CPED1: variants seen among roughly 807,000 people sequenced by gnomAD.
CPED1 encodes the protein cadherin like and PC-esterase domain containing 1, also known as cadherin-like and PC-esterase domain-containing protein 1.
In CPED1, 114 loss-of-function variants were observed where a neutral mutation model predicts 128.2. The ratio of observed to expected loss-of-function variants is 0.89; its 90% confidence interval spans 0.76 to 1.04. The LOEUF (loss-of-function observed/expected upper bound fraction) is 1.04, where lower values mean the gene tolerates loss of function less well. CPED1 is among the 50% of genes least tolerant of loss of function. The pLI is 0.00. For synonymous variants in CPED1, 462 were observed against 426.7 expected, an observed-to-expected ratio of 1.08 and a Z score of -1.02; for missense variants, 1,211 against 1,207.1, an observed-to-expected ratio of 1.00 and a Z score of -0.05.
chr7:121,038,367 C>T (rs963274756), intron 3 of CPED1, among the ~76,000 whole-genome samples: 3 of 151,974 alleles, frequency 2.0e-5, no homozygotes. Flanking sequence ...TTTTTCAGTC[C>T]TCTGAATTTT....
chr7:121,066,801 A>G (rs1793840457), intron 5 of CPED1, among the ~76,000 whole-genome samples: 1 of 152,158 alleles, frequency 6.6e-6, no homozygotes. Context: ...ACATCCCTGG[A>G]TTCAACCAAC....
At chr7:121,280,163 A>G (rs572039519) in intron 22 of CPED1, among the ~76,000 whole-genome samples, 2 of 152,344 alleles carry the variant, frequency 1.3e-5, no homozygotes, top group South Asian at 4.1e-4. Flanking sequence ...TCCAAGACCC[A>G]AGATGCACAT....
intron 4 of CPED1, chr7:121,061,203 A>G: frequency 1.0e-6 from 1 of 960,634 alleles, no homozygotes; most frequent in Non-Finnish European, 1.2e-6. Flanking sequence ...GGATTGTGAA[A>G]GGTATATTGG....
chr7:121,012,931 A>ATGG (rs1792198118), intron 2 of CPED1, among the ~76,000 whole-genome samples: 1 of 152,236 alleles, frequency 6.6e-6, no homozygotes, highest in African/African-American at 2.4e-5. Flanking sequence ...GGAAAAGAGG[A>ATGG]TGGTATCTTT....
chr7:121,028,064 T>C (rs1488760443), intron 3 of CPED1, among the ~76,000 whole-genome samples: 1 of 152,164 alleles, frequency 6.6e-6, no homozygotes, highest in Non-Finnish European at 1.5e-5. Context: ...AGCTCTACCA[T>C]GGTACCTACT....
At chr7:121,015,962 T>C (rs1456677733) in intron 3 of CPED1, 114 bp downstream of exon 3, 6 of 695,472 alleles carry the variant, frequency 8.6e-6, no homozygotes, top group Non-Finnish European at 1.2e-5. Flanking sequence ...TATTTATCCA[T>C]GACCAACTTT....
chr7:121,163,464 C>T (rs957205356), intron 16 of CPED1, among the ~76,000 whole-genome samples: 3 of 152,194 alleles, frequency 2.0e-5, no homozygotes, highest in African/African-American at 4.8e-5. Context: ...CCCCGACTCC[C>T]ACTGTCACTG....
intron 16 of CPED1, among the ~76,000 whole-genome samples, chr7:121,191,780 A>G (rs1040863831): frequency 1.3e-5 from 2 of 152,120 alleles, no homozygotes; most frequent in African/African-American, 2.4e-5. Flanking sequence ...GTAGAAAGAA[A>G]AAAAGGAAAT....
At chr7:120,997,601 C>T (rs763384423) in intron 2 of CPED1, among the ~76,000 whole-genome samples, 61 of 152,064 alleles carry the variant, frequency 4.0e-4, no homozygotes, top group Non-Finnish European at 7.6e-4. Context: ...GTAAGGTGGC[C>T]CCTAATCCAA....
intron 8 of CPED1, 99 bp downstream of exon 8, chr7:121,124,572 G>A: frequency 1.1e-6 from 1 of 900,932 alleles, no homozygotes; most frequent in Non-Finnish European, 1.5e-6. Flanking sequence ...ATCATAAGTA[G>A]GTGGTACTTG....
intron 5 of CPED1, among the ~76,000 whole-genome samples, chr7:121,066,666 A>G (rs1277124620): frequency 6.6e-6 from 1 of 152,126 alleles, no homozygotes; most frequent in Non-Finnish European, 1.5e-5. Flanking sequence ...GGTTATTGGT[A>G]GAAGACATGA....
intron 2 of CPED1, among the ~76,000 whole-genome samples, chr7:121,001,985 A>T (rs1791873535): frequency 7.0e-6 from 1 of 142,636 alleles, no homozygotes; most frequent in African/African-American, 2.7e-5. Context: ...TGGGAAAAGA[A>T]GACACACACA....
intron 16 of CPED1, among the ~76,000 whole-genome samples, chr7:121,167,725 A>ATTTTTTTTTTTTTTTTTTT: frequency 1.0e-5 from 1 of 99,264 alleles, no homozygotes; most frequent in Non-Finnish European, 2.0e-5. Context: ...TTTAAAGTCT[A>ATTTTTTTTTTTTTTTTTTT]TTTTTTTTTT....
chr7:121,295,725 G>A lies in CPED1; in HGVS notation c.*73G>A, dbSNP rs971714857. 13 of 1,249,686 alleles carry A rather than the reference G, an allele frequency of 1.0e-5. No individual in the cohort carries two copies. The highest frequency in any genetic ancestry group is 8.9e-5 in the African/African-American group (6 of 67,344). The allele number at this position is 1,249,686 out of a possible 1,614,324, so 77.4% of individuals were successfully genotyped here. A position where few individuals can be genotyped will look rare whatever the true frequency, so the allele number is the denominator to read the frequency against. On this transcript the variant is annotated 3_prime_UTR_variant, in exon 23 of 23. Coordinates refer to ENST00000310396, the MANE Select transcript of CPED1 (RefSeq NM_024913.5). ...CCGGACAATGGTCTAGGAGCCAAGC[G>A]CTGCACATCGCACACATTTGGGATC...
intron 22 of CPED1, among the ~76,000 whole-genome samples, chr7:121,275,207 G>A (rs1217256245): frequency 6.6e-6 from 1 of 152,004 alleles, no homozygotes; most frequent in African/African-American, 2.4e-5. Context: ...ACTGCCATAG[G>A]TGAGATGAAA....
At chr7:121,074,369 G>A (rs932666423) in intron 5 of CPED1, among the ~76,000 whole-genome samples, 1 of 152,080 alleles carries the variant, frequency 6.6e-6, no homozygotes, top group Non-Finnish European at 1.5e-5. Flanking sequence ...GCCCATCAAG[G>A]CTCAGGGGTT....
chr7:121,035,527 CT>C (rs1487535581), intron 3 of CPED1, among the ~76,000 whole-genome samples: 2 of 151,890 alleles, frequency 1.3e-5, no homozygotes, highest in African/African-American at 4.8e-5. Context: ...GTGGCTATAG[CT>C]TTGATGATTA....
intron 7 of CPED1, among the ~76,000 whole-genome samples, chr7:121,120,999 A>T (rs1462136213): frequency 1.3e-5 from 2 of 149,132 alleles, no homozygotes; most frequent in African/African-American, 4.9e-5. Context: ...AAAAAAACTC[A>T]CAGTCTAGCA....
intron 7 of CPED1, among the ~76,000 whole-genome samples, chr7:121,107,265 GGC>G (rs1795000874): frequency 6.6e-6 from 1 of 152,018 alleles, no homozygotes; most frequent in Non-Finnish European, 1.5e-5. Flanking sequence ...TTAACAACAA[GGC>G]TTAACTTTTT....
Sources: allele counts gnomAD v4.1 joint callset (sites outside exome capture counted in the v4.1 genomes callset), GRCh38; gene constraint gnomAD v4.1.1; transcripts MANE v1.5; gene names NCBI Gene and HGNC (gene_info 2026-07-23, HGNC 2026-07-21).